The following ANKRD11 variants were observed in gnomAD, a reference collection of about 807,000 sequenced individuals.
ANKRD11 encodes the protein ankyrin repeat domain-containing protein 11.
In ANKRD11, 17 loss-of-function variants were observed where a neutral mutation model predicts 195.7. The ratio of observed to expected loss-of-function variants is 0.09; its 90% CI spans 0.06 to 0.13. ANKRD11 has a LOEUF of 0.13. Ranked by LOEUF, ANKRD11 falls within the 10% of genes least tolerant of loss-of-function variation. ANKRD11 has a pLI of 1.00. For missense variants in ANKRD11, 3,735 were observed against 3,566.1 expected (o/e 1.05, Z -1.21); for synonymous variants, 1,953 against 1,528.1 (o/e 1.28, Z -6.49).
chr16:89,470,283 G>C (rs2057032673), intron 1 of ANKRD11, among the ~76,000 whole-genome samples: 1 of 152,074 alleles, frequency 6.6e-6, no homozygotes, highest in South Asian at 2.1e-4. Context: ...CATGGTCATA[G>C]CTTATCACTA....
intron 2 of ANKRD11, among the ~76,000 whole-genome samples, chr16:89,410,255 C>T (rs2042063396): frequency 6.6e-6 from 1 of 152,162 alleles, no homozygotes; most frequent in Non-Finnish European, 1.5e-5. Context: ...CACCTAAAGC[C>T]TCATAACATC....
At chr16:89,428,026 G>A (rs2042793491) in intron 1 of ANKRD11, among the ~76,000 whole-genome samples, 1 of 150,242 alleles carries the variant, frequency 6.7e-6, no homozygotes, top group Non-Finnish European at 1.5e-5. Context: ...TGGCCAACAT[G>A]GTGAAACGCC....
In ANKRD11 at chr16:89,281,760, G is replaced by C; in HGVS notation, c.4782C>G (p.Ile1594Met). The change falls in exon 9 of 13, where the codon ATC becomes ATG. Residue 1594 changes from isoleucine (I) to methionine (M), a missense_variant. Physicochemically the swap from Ile to Met is conservative, Grantham distance 10 (BLOSUM62 1). Transcript: ENST00000301030. The surrounding 1 kb of genome is among the most constrained non-coding windows in gnomAD (Gnocchi z 5.5). ...CCTTGTGCCGCTTGTGGCGCTCCTC[G>C]ATCTCCAGGTCCTTCTGGGACAGCA... ...ERMLSQKDLEIEERHKRHKER... is the reference protein window; with the variant it reads ...ERMLSQKDLEMEERHKRHKER... 1 of 1,613,898 alleles carries C rather than the reference G, an allele frequency of 6.2e-7. No individual in the cohort carries two copies. Among genetic ancestry groups the C allele is most frequent in the Non-Finnish European group, 8.5e-7 (1 of 1,179,986 alleles).
intron 1 of ANKRD11, among the ~76,000 whole-genome samples, chr16:89,487,920 C>T (rs867629413): frequency 6.6e-6 from 1 of 150,450 alleles, no homozygotes; most frequent in Non-Finnish European, 1.5e-5. Context: ...ACATGGCAGC[C>T]GCTCGTCATC....
At chr16:89,354,430 T>A (rs1467318859) in intron 2 of ANKRD11, among the ~76,000 whole-genome samples, 1 of 152,136 alleles carries the variant, frequency 6.6e-6, no homozygotes, top group Non-Finnish European at 1.5e-5. Context: ...TGAGGTCCAC[T>A]ATGCCAGCGC....
In ANKRD11 at chr16:89,489,136, A is replaced by G. The variant is rs554471164; in HGVS notation, c.-145+1109T>C. 3.3e-5 allele frequency: 5 copies of G among 152,264 alleles called. No individual in the cohort carries two copies. The East Asian group carries it at 5.8e-4, about 18-fold the overall frequency. 9.4% of individuals were successfully genotyped at this position (152,264 alleles called of 1,614,324 possible). A position where few individuals can be genotyped will look rare whatever the true frequency, so the allele number is the denominator to read the frequency against. On this transcript the variant is annotated intron_variant, in intron 1 of 12. Transcript: ENST00000301030. ...GACTCCCCCCGACCAACCTTCCCAA[A>G]TAACACAAACACAAGAGTTAACAGT...
intron 2 of ANKRD11, among the ~76,000 whole-genome samples, chr16:89,389,517 C>T (rs993158290): frequency 2.0e-5 from 3 of 152,060 alleles, no homozygotes; most frequent in Admixed American, 2.0e-4. Context: ...TCCCCACGGT[C>T]AAAAACTAAA....
At chr16:89,312,529 C>A (rs372345639) in intron 3 of ANKRD11, among the ~76,000 whole-genome samples, 1 of 152,200 alleles carries the variant, frequency 6.6e-6, no homozygotes, top group African/African-American at 2.4e-5. Flanking sequence ...GGAAGAGAAG[C>A]GGATCCAAGT....
intron 2 of ANKRD11, among the ~76,000 whole-genome samples, chr16:89,340,559 G>C (rs1469679645): frequency 6.6e-6 from 1 of 152,230 alleles, no homozygotes; most frequent in Non-Finnish European, 1.5e-5. Context: ...ACAGGCATGA[G>C]CCACAGCGCC....
chr16:89,477,164 A>G (rs756127952), intron 1 of ANKRD11, among the ~76,000 whole-genome samples: 5 of 151,784 alleles, frequency 3.3e-5, no homozygotes, highest in Non-Finnish European at 5.9e-5. Flanking sequence ...CAATAGAAGT[A>G]TAAAAGCCAT....
chr16:89,423,609 C>G (rs904284331), intron 1 of ANKRD11, among the ~76,000 whole-genome samples: 8 of 152,230 alleles, frequency 5.3e-5, no homozygotes, highest in Admixed American at 5.2e-4. Flanking sequence ...GCACTCAGCA[C>G]CTGACCCAAC....
chr16:89,287,149 C>T (rs1008236291), intron 7 of ANKRD11: 32 of 1,281,076 alleles, frequency 2.5e-5, no homozygotes, highest in Non-Finnish European at 2.9e-5. Flanking sequence ...AGGGCTGGGA[C>T]GGAGGTCCCC....
chr16:89,409,039 G>A (rs2042016286), intron 2 of ANKRD11, among the ~76,000 whole-genome samples: 1 of 152,202 alleles, frequency 6.6e-6, no homozygotes, highest in Non-Finnish European at 1.5e-5. Context: ...AGCCACAGCA[G>A]AGAATTCAGA....
intron 2 of ANKRD11, among the ~76,000 whole-genome samples, chr16:89,416,524 C>T (rs1215909585): frequency 6.6e-6 from 1 of 152,202 alleles, no homozygotes; most frequent in Non-Finnish European, 1.5e-5. Flanking sequence ...TCTGGAACTC[C>T]TGGCCTCAAG....
intron 1 of ANKRD11, among the ~76,000 whole-genome samples, chr16:89,456,859 C>T (rs1045619448): frequency 6.6e-6 from 1 of 151,950 alleles, no homozygotes; most frequent in Non-Finnish European, 1.5e-5. Context: ...CTGGAATAGA[C>T]ATAATGGTGC....
At chr16:89,464,745 TCAGA>T (rs1386521533) in intron 1 of ANKRD11, among the ~76,000 whole-genome samples, 11 of 151,196 alleles carry the variant, frequency 7.3e-5, no homozygotes, top group African/African-American at 2.4e-4. Context: ...GTAAATGAAA[TCAGA>T]CAAATAACTT....
chr16:89,461,732 T>A (rs1005888280), intron 1 of ANKRD11, among the ~76,000 whole-genome samples: 3 of 152,244 alleles, frequency 2.0e-5, no homozygotes, highest in African/African-American at 7.2e-5. Context: ...CTAAATTCTC[T>A]GAACTTCATC....
At position 89,283,483 on chromosome 16, in the gene ANKRD11, T is replaced by G; in HGVS notation, c.3059A>C (p.Lys1020Thr). The change falls in exon 9 of 13, where the codon AAG (lysine) becomes ACG (threonine). Residue 1020 changes from lysine (K) to threonine (T), a missense_variant. Lys to Thr is a moderately conservative substitution (Grantham distance 78). Transcript: ENST00000301030. This position sits in a 1 kb window ranked among gnomAD's most constrained non-coding sequence, Gnocchi z 4.3. Reference sequence around the variant, plus strand: ...GTATCTTTCTGGTTTTGTCTTCTCCTTCCTTTCCTTATCGGGGCCATCCTT... The same window carrying G: ...GTATCTTTCTGGTTTTGTCTTCTCCGTCCTTTCCTTATCGGGGCCATCCTT... ...EKKDGPDKER[K>T]EKTKPERYKE... The G allele has an allele frequency of 2.5e-6, 4 of 1,614,188 alleles. No individual in the cohort carries two copies. The highest frequency in any genetic ancestry group is 3.4e-6 in the Non-Finnish European group (4 of 1,180,042).
chr16:89,278,964 G>A (rs756044560), intron 9 of ANKRD11, 108 bp downstream of exon 9: 3 of 1,512,842 alleles, frequency 2.0e-6, no homozygotes, highest in South Asian at 1.2e-5. Flanking sequence ...GGTCGAGAGA[G>A]GTCAAGGGCC....
Sources: allele counts gnomAD v4.1 joint callset (sites outside exome capture counted in the v4.1 genomes callset), GRCh38; gene constraint gnomAD v4.1.1; non-coding constraint Gnocchi (gnomAD v3.1); transcripts MANE v1.5; gene names NCBI Gene and HGNC (gene_info 2026-07-23, HGNC 2026-07-21).